KCNJ6: variants seen among roughly 807,000 people sequenced by gnomAD.
KCNJ6 encodes the protein G protein-activated inward rectifier potassium channel 2.
A neutral mutation model predicts 34.2 loss-of-function variants in KCNJ6; 9 were observed. The ratio of observed to expected loss-of-function variants is 0.26; its 90% CI spans 0.16 to 0.46. The LOEUF (loss-of-function observed/expected upper bound fraction) is 0.46. Among genes scored for constraint, KCNJ6 ranks in the 20% least tolerant of loss-of-function variants. The pLI is 1.00. For synonymous variants in KCNJ6, 196 were observed against 207.1 expected, an observed-to-expected ratio of 0.95 and a Z score of 0.46; for missense variants, 236 against 531.3, an observed-to-expected ratio of 0.44 and a Z score of 5.46.
chr21:37,619,712 ATG>A lies in KCNJ6; in HGVS notation c.*5445_*5446del, dbSNP rs1460043070. ...CATGTGGAGGAGCGAGGCGGGTTTG[ATG>A]TGTGGCAACCACTGCAGGTCTGGGC... is the stretch of plus-strand genomic sequence containing the variant. On this transcript the variant is annotated 3_prime_UTR_variant, in exon 4 of 4. Coordinates refer to ENST00000609713, the MANE Select transcript of KCNJ6 (RefSeq NM_002240.5). 1 of 152,250 alleles carries A rather than the reference ATG, an allele frequency of 6.6e-6. No individual in the cohort carries two copies. Among genetic ancestry groups the A allele is most frequent in the Non-Finnish European group, 1.5e-5 (1 of 68,098 alleles). 9.4% of individuals were successfully genotyped at this position (152,250 alleles called of 1,614,324 possible). A position where few individuals can be genotyped will look rare whatever the true frequency, so the allele number is the denominator to read the frequency against.
At chr21:37,726,843 G>T (rs1254969328) in intron 2 of KCNJ6, among the ~76,000 whole-genome samples, 2 of 152,234 alleles carry the variant, frequency 1.3e-5, no homozygotes, top group African/African-American at 4.8e-5. Context: ...CTTGGCAATA[G>T]GGATTCACTA....
intron 2 of KCNJ6, among the ~76,000 whole-genome samples, chr21:37,798,334 G>T (rs1326014554): frequency 6.6e-6 from 1 of 152,178 alleles, no homozygotes; most frequent in Non-Finnish European, 1.5e-5. Context: ...TCTGCTTTGA[G>T]TCCTCCTTCC....
chr21:37,855,988 G>C (rs931893013), intron 1 of KCNJ6, among the ~76,000 whole-genome samples: 2 of 152,200 alleles, frequency 1.3e-5, no homozygotes, highest in East Asian at 1.9e-4. Flanking sequence ...CAGGGGAGAG[G>C]GGGTGGAAGC....
At chr21:37,830,039 T>G (rs1027366740) in intron 2 of KCNJ6, among the ~76,000 whole-genome samples, 1 of 152,220 alleles carries the variant, frequency 6.6e-6, no homozygotes, top group African/African-American at 2.4e-5. Context: ...CTGCCCACTT[T>G]CCTGCTCTCC....
At chr21:37,773,425 G>A (rs1402482507) in intron 2 of KCNJ6, among the ~76,000 whole-genome samples, 1 of 152,116 alleles carries the variant, frequency 6.6e-6, no homozygotes, top group African/African-American at 2.4e-5. Flanking sequence ...AAGGGAAACA[G>A]CTGCTATTCT....
At chr21:37,712,390 C>G (rs1021246510) in intron 3 of KCNJ6, among the ~76,000 whole-genome samples, 1 of 152,066 alleles carries the variant, frequency 6.6e-6, no homozygotes, top group Non-Finnish European at 1.5e-5. Flanking sequence ...GGGGAAGTTT[C>G]TGGTCTGTAG....
At chr21:37,653,390 C>T (rs1015554972) in intron 3 of KCNJ6, among the ~76,000 whole-genome samples, 17 of 151,996 alleles carry the variant, frequency 1.1e-4, no homozygotes, top group South Asian at 4.2e-4. Flanking sequence ...ATGCTGGTGG[C>T]GCAGGTGTGT....
intron 1 of KCNJ6, among the ~76,000 whole-genome samples, chr21:37,867,778 C>T (rs558593372): frequency 1.1e-4 from 17 of 152,162 alleles, no homozygotes; most frequent in South Asian, 6.2e-4. Flanking sequence ...AATCAGGCAG[C>T]GAAGAGACTG....
intron 3 of KCNJ6, among the ~76,000 whole-genome samples, chr21:37,669,864 T>G (rs866495107): frequency 6.6e-6 from 1 of 152,246 alleles, no homozygotes; most frequent in South Asian, 2.1e-4. Context: ...TACAAGTTTT[T>G]TATTTTGATG....
At chr21:37,805,044 T>C (rs554660349) in intron 2 of KCNJ6, among the ~76,000 whole-genome samples, 2 of 152,270 alleles carry the variant, frequency 1.3e-5, no homozygotes, top group African/African-American at 2.4e-5. Context: ...TGCAAGTCTA[T>C]TTATATGAAA....
intron 3 of KCNJ6, among the ~76,000 whole-genome samples, chr21:37,709,144 C>CT (rs34795417): frequency 0.54 from 81,714 of 152,066 alleles, 22,800 homozygotes; most frequent in African/African-American, 0.7. Context: ...ACAGAAGAAC[C>CT]TTAAAGGAAA....
chr21:37,645,462 A>T (rs998707653), intron 3 of KCNJ6, among the ~76,000 whole-genome samples: 1 of 152,192 alleles, frequency 6.6e-6, no homozygotes, highest in Non-Finnish European at 1.5e-5. Flanking sequence ...TAAAATAGAG[A>T]CATATTTATC....
Position 37,795,817 on chromosome 21 carries a change from A to G in KCNJ6, c.25+44841T>C, listed in dbSNP as rs377689077. Among the ~76,000 whole-genome samples the G allele has an allele frequency of 3.9e-5, 6 of 152,200 alleles. 1 individual carries two copies. Among genetic ancestry groups the G allele is most frequent in the East Asian group, 1.9e-4 (1 of 5,182 alleles). ...AGGGTTAAAAAAGAAAATAAAGAAA[A>G]ATAATCTCTTTAGGGCCTCAAGAAT... On this transcript the variant is annotated intron_variant, in intron 2 of 3. Coordinates refer to ENST00000609713, the MANE Select transcript of KCNJ6 (RefSeq NM_002240.5).
At chr21:37,672,047 T>C (rs1202897817) in intron 3 of KCNJ6, among the ~76,000 whole-genome samples, 1 of 152,054 alleles carries the variant, frequency 6.6e-6, no homozygotes, top group Admixed American at 6.6e-5. Context: ...TTTCTGTTTC[T>C]TTTTTTTACT....
intron 2 of KCNJ6, among the ~76,000 whole-genome samples, chr21:37,761,519 TTG>T (rs1568838850): frequency 6.8e-6 from 1 of 147,620 alleles, no homozygotes; most frequent in African/African-American, 2.5e-5. Context: ...ATGTGTATAT[TTG>T]TGTGTGTGGT....
intron 2 of KCNJ6, among the ~76,000 whole-genome samples, chr21:37,794,942 A>G (rs2055234003): frequency 1.3e-5 from 2 of 152,210 alleles, no homozygotes; most frequent in Admixed American, 1.3e-4. Context: ...GTGGGCATGT[A>G]CGAGAAGAAT....
At chr21:37,845,601 AG>A in intron 1 of KCNJ6, among the ~76,000 whole-genome samples, 1 of 152,364 alleles carries the variant, frequency 6.6e-6, no homozygotes, top group East Asian at 1.9e-4. Flanking sequence ...ATATAAATAC[AG>A]TCAAGTGTAA....
chr21:37,665,157 C>T (rs1476523400), intron 3 of KCNJ6, among the ~76,000 whole-genome samples: 1 of 152,164 alleles, frequency 6.6e-6, no homozygotes, highest in Non-Finnish European at 1.5e-5. Context: ...TGGCACAAAT[C>T]TCACTGGATC....
In KCNJ6 at chr21:37,665,334, A is replaced by C. The variant is rs1709835; in HGVS notation, c.947-39850T>G. Among the ~76,000 whole-genome samples the C allele has an allele frequency of 5.3e-5, 8 of 152,106 alleles. No individual in the cohort carries two copies. The South Asian group carries it at 1.7e-3, about 32-fold the overall frequency. On this transcript the variant is annotated intron_variant, in intron 3 of 3. Transcript: ENST00000609713. ...CCCTGGCAAGGCAGGCCATGGTGCCAGTCGTCTGTATAAGTCCATGCGATC... is the reference window on the plus strand; with the variant it reads ...CCCTGGCAAGGCAGGCCATGGTGCCCGTCGTCTGTATAAGTCCATGCGATC...
Sources: gnomAD v4.1 joint callset for allele counts (sites outside exome capture counted in the v4.1 genomes callset) on GRCh38, gnomAD v4.1.1 for gene constraint, MANE v1.5 for transcripts, NCBI Gene and HGNC (gene_info 2026-07-23, HGNC 2026-07-21) for gene names.